MACROD2: variants seen among roughly 807,000 people sequenced by gnomAD.
The protein encoded by MACROD2 is ADP-ribose glycohydrolase MACROD2.
MACROD2 carries 36 observed loss-of-function variants against 70.4 expected under a neutral mutation model. That is an observed-to-expected ratio of 0.51 (90% CI 0.39 to 0.68). The LOEUF is 0.68. MACROD2 is among the 30% of genes least tolerant of loss of function. The pLI is 0.00. For synonymous variants in MACROD2, 172 were observed against 178.8 expected (o/e 0.96, Z 0.30); for missense variants, 496 against 538.4 (o/e 0.92, Z 0.78).
intron 3 of MACROD2, among the ~76,000 whole-genome samples, chr20:14,252,679 T>C (rs2122278337): frequency 6.6e-6 from 1 of 152,126 alleles, no homozygotes; most frequent in South Asian, 2.1e-4. Flanking sequence ...GATGAATGAT[T>C]TTAGCTTTGA....
At chr20:14,074,674 T>G (rs187924528) in intron 2 of MACROD2, among the ~76,000 whole-genome samples, 1 of 152,178 alleles carries the variant, frequency 6.6e-6, no homozygotes, top group Non-Finnish European at 1.5e-5. Flanking sequence ...GAGGTCTCCC[T>G]GTTCTGTTTG....
chr20:14,829,069 C>T (rs900051229), intron 5 of MACROD2, among the ~76,000 whole-genome samples: 1 of 150,848 alleles, frequency 6.6e-6, no homozygotes, highest in East Asian at 2.0e-4. Context: ...AGCTGCTTTT[C>T]CTGATGCTCT....
chr20:14,026,691 T>G (rs1298997227), intron 2 of MACROD2, among the ~76,000 whole-genome samples: 1 of 152,214 alleles, frequency 6.6e-6, no homozygotes, highest in Non-Finnish European at 1.5e-5. Flanking sequence ...TTCTGGCTTG[T>G]AGGGTTTCTG....
At chr20:14,086,739 A>G (rs1211095492) in intron 3 of MACROD2, among the ~76,000 whole-genome samples, 1 of 152,186 alleles carries the variant, frequency 6.6e-6, no homozygotes, top group South Asian at 2.1e-4. Flanking sequence ...GGGGACAAAG[A>G]GTTTGGCTAA....
intron 5 of MACROD2, among the ~76,000 whole-genome samples, chr20:15,007,875 C>G (rs1279725307): frequency 6.6e-6 from 1 of 152,236 alleles, no homozygotes; most frequent in Non-Finnish European, 1.5e-5. Context: ...CCAAGAGTTT[C>G]TGTCCTCCAT....
At chr20:15,072,189 C>T (rs2075624049) in intron 5 of MACROD2, among the ~76,000 whole-genome samples, 2 of 152,094 alleles carry the variant, frequency 1.3e-5, no homozygotes, top group Non-Finnish European at 2.9e-5. Flanking sequence ...ACTAAGTATA[C>T]TCAATTTATC....
intron 5 of MACROD2, among the ~76,000 whole-genome samples, chr20:14,931,992 A>C (rs2122680789): frequency 7.6e-6 from 1 of 132,286 alleles, no homozygotes; most frequent in Admixed American, 8.0e-5. Flanking sequence ...ACAGAGTGAG[A>C]CCCTGTTTCT....
intron 10 of MACROD2, among the ~76,000 whole-genome samples, chr20:15,917,549 T>C (rs189799104): frequency 1.6e-3 from 240 of 152,322 alleles, no homozygotes; most frequent in African/African-American, 5.3e-3. Flanking sequence ...TGGCTTTTAA[T>C]GTGGAAAATA....
At chr20:15,184,364 T>TA (rs1026546488) in intron 5 of MACROD2, among the ~76,000 whole-genome samples, 12 of 151,472 alleles carry the variant, frequency 7.9e-5, no homozygotes, top group African/African-American at 2.9e-4. Context: ...CCCCTGTTTT[T>TA]ACCTATCAAT....
At chr20:14,082,325 C>T (rs867512654) in intron 2 of MACROD2, among the ~76,000 whole-genome samples, 1 of 149,482 alleles carries the variant, frequency 6.7e-6, no homozygotes, top group Non-Finnish European at 1.5e-5. Context: ...ACTACAGGTG[C>T]GTGCCACCAT....
intron 5 of MACROD2, among the ~76,000 whole-genome samples, chr20:14,702,840 G>C (rs942636593): frequency 6.6e-6 from 1 of 150,758 alleles, no homozygotes; most frequent in Admixed American, 6.6e-5. Flanking sequence ...CAATTCTCCT[G>C]CCTCAGCCTC....
At chr20:15,523,151 A>G (rs907636301) in intron 8 of MACROD2, among the ~76,000 whole-genome samples, 1 of 152,200 alleles carries the variant, frequency 6.6e-6, no homozygotes, top group Non-Finnish European at 1.5e-5. Flanking sequence ...AGCACCCTTT[A>G]AAGAGATTCT....
chr20:14,366,989 A>G (rs2083279049), intron 3 of MACROD2, among the ~76,000 whole-genome samples: 1 of 151,952 alleles, frequency 6.6e-6, no homozygotes, highest in South Asian at 2.1e-4. Context: ...TTGCTTCTCT[A>G]CTGCCATATT....
chr20:14,239,428 GC>G (rs2081909609), intron 3 of MACROD2, among the ~76,000 whole-genome samples: 1 of 152,100 alleles, frequency 6.6e-6, no homozygotes, highest in African/African-American at 2.4e-5. Context: ...GCAATCCTAA[GC>G]AAAAAGAAAT....
At chr20:14,787,887 G>T (rs1053901469) in intron 5 of MACROD2, among the ~76,000 whole-genome samples, 1 of 152,178 alleles carries the variant, frequency 6.6e-6, no homozygotes, top group South Asian at 2.1e-4. Flanking sequence ...TGGACCACAG[G>T]ATTGGAAGCA....
intron 8 of MACROD2, among the ~76,000 whole-genome samples, chr20:15,526,203 A>T (rs929662096): frequency 1.6e-4 from 24 of 152,120 alleles, no homozygotes; most frequent in Non-Finnish European, 3.1e-4. Context: ...AATATATCAG[A>T]TGCTGTGGCG....
rs1037389506 is a variant in MACROD2 at position 15,241,017 on chromosome 20, T to C, written c.540+10956T>C. 7.9e-5 allele frequency among the ~76,000 whole-genome samples: 12 copies of C among 152,356 alleles called. No individual in the cohort carries two copies. The South Asian group carries it at 8.3e-4, about 11-fold the overall frequency. On this transcript the variant is annotated intron_variant, in intron 6 of 17. Coordinates refer to ENST00000684519, the MANE Select transcript of MACROD2 (RefSeq NM_001351661.2). ...TGGTATTTTGTATGGCATCCAGAGC[T>C]GATTAATGCAGTGAGTATGCAGGCA...
At chr20:14,353,072 A>G (rs2083139275) in intron 3 of MACROD2, among the ~76,000 whole-genome samples, 1 of 152,134 alleles carries the variant, frequency 6.6e-6, no homozygotes, top group Non-Finnish European at 1.5e-5. Context: ...CAAAAATTCA[A>G]ATTATGAGTG....
intron 5 of MACROD2, chr20:14,892,835 C>T (rs138638302): frequency 6.6e-6 from 1 of 152,262 alleles, no homozygotes; most frequent in East Asian, 1.9e-4. Flanking sequence ...TATGCCACCA[C>T]TCCCCGCTAA....
Sources: gnomAD v4.1 joint callset for allele counts (sites outside exome capture counted in the v4.1 genomes callset) on GRCh38, gnomAD v4.1.1 for gene constraint, MANE v1.5 for transcripts, NCBI Gene and HGNC (gene_info 2026-07-23, HGNC 2026-07-21) for gene names.